FBLN7: variants seen among roughly 807,000 people sequenced by gnomAD.
FBLN7 encodes fibulin 7.
In FBLN7, 31 loss-of-function variants were observed where a neutral mutation model predicts 44.0. The observed-to-expected ratio is 0.70, with a 90% CI of 0.53 to 0.95. The LOEUF is 0.95. Among genes scored for constraint, FBLN7 ranks in the 40% least tolerant of loss-of-function variants. The probability of loss-of-function intolerance (pLI) is 0.00; values close to 1 mark genes in which losing one functional copy is unlikely to be tolerated. For synonymous variants in FBLN7, 262 were observed against 253.4 expected, an observed-to-expected ratio of 1.03 and a Z score of -0.32; for missense variants, 573 against 618.5, an observed-to-expected ratio of 0.93 and a Z score of 0.78.
intron 3 of FBLN7, among the ~76,000 whole-genome samples, chr2:112,172,784 C>T (rs1558888191): frequency 6.6e-6 from 1 of 152,028 alleles, no homozygotes; most frequent in Non-Finnish European, 1.5e-5. Flanking sequence ...AGGTGCCCAC[C>T]ACCATGCCCG....
chr2:112,198,666 A>G, the FBLN7 span, among the ~76,000 whole-genome samples: 1 of 151,922 alleles, frequency 6.6e-6, no homozygotes, highest in Non-Finnish European at 1.5e-5. Flanking sequence ...AAAGAAAGAA[A>G]GAAACCCAGA....
chr2:112,153,722 C>T (rs1681279669), intron 1 of FBLN7, among the ~76,000 whole-genome samples: 1 of 152,180 alleles, frequency 6.6e-6, no homozygotes, highest in African/African-American at 2.4e-5. Flanking sequence ...GAGGTAGGGT[C>T]TGGGGGTACG....
chr2:112,204,843 C>G, the FBLN7 span, among the ~76,000 whole-genome samples: 1 of 152,034 alleles, frequency 6.6e-6, no homozygotes, highest in Non-Finnish European at 1.5e-5. Flanking sequence ...TCGAGAGTAA[C>G]TTGTATTCAC....
intron 1 of FBLN7, among the ~76,000 whole-genome samples, chr2:112,141,475 C>T (rs564239555): frequency 2.0e-5 from 3 of 152,118 alleles, no homozygotes; most frequent in African/African-American, 4.8e-5. Flanking sequence ...TTGGCTCAGA[C>T]GAGACGTGGT....
At chr2:112,172,688 T>C (rs1251320956) in intron 3 of FBLN7, among the ~76,000 whole-genome samples, 1 of 143,028 alleles carries the variant, frequency 7.0e-6, no homozygotes, top group African/African-American at 2.6e-5. Context: ...GACTGGAGAG[T>C]AGTGGCGCGA....
At chr2:112,222,072 T>C in the FBLN7 span, among the ~76,000 whole-genome samples, 2 of 152,168 alleles carry the variant, frequency 1.3e-5, no homozygotes, top group African/African-American at 4.8e-5. Context: ...GGGGGTTTGA[T>C]TACAGTATAA....
the FBLN7 span, among the ~76,000 whole-genome samples, chr2:112,196,068 C>A: frequency 1.8e-4 from 28 of 152,308 alleles, no homozygotes; most frequent in African/African-American, 6.5e-4. Flanking sequence ...GCCAATGGCC[C>A]CACTCAGTGT....
chr2:112,217,174 G>C, the FBLN7 span, among the ~76,000 whole-genome samples: 1 of 152,084 alleles, frequency 6.6e-6, no homozygotes, highest in Non-Finnish European at 1.5e-5. Context: ...TTCGAGACCA[G>C]CCTGGCCAAC....
the FBLN7 span, among the ~76,000 whole-genome samples, chr2:112,217,438 A>C: frequency 6.6e-6 from 1 of 152,232 alleles, no homozygotes; most frequent in Non-Finnish European, 1.5e-5. Flanking sequence ...TTCAAGTTGC[A>C]GTATAAAATG....
rs180701056 is a variant in FBLN7, at chr2:112,148,498, C to G, written c.75+9768C>G. ...GCCCAGGCACTGGGAACAAAACAGA[C>G]AGTGATCTTGCTTTGATTTTAAGAG... On this transcript the variant is annotated intron_variant, in intron 1 of 7. Transcript: ENST00000331203. 2.6e-5 allele frequency among the ~76,000 whole-genome samples: 4 copies of G among 152,344 alleles called. No individual in the cohort carries two copies. The East Asian group carries it at 7.7e-4, about 29-fold the overall frequency.
chr2:112,169,543 G>A (rs908040773), intron 3 of FBLN7, among the ~76,000 whole-genome samples: 4 of 152,196 alleles, frequency 2.6e-5, no homozygotes, highest in Non-Finnish European at 5.9e-5. Context: ...GTCACTTATC[G>A]TCATGCTGGT....
rs1266083875 is a variant in FBLN7, at chr2:112,186,002, C to T, written c.947+663C>T. Among the ~76,000 whole-genome samples the T allele has an allele frequency of 5.9e-5, 9 of 151,852 alleles. No individual in the cohort carries two copies. In the East Asian group the frequency reaches 1.7e-3, roughly 29 times the overall value. On this transcript the variant is annotated intron_variant, in intron 7 of 7. Coordinates refer to ENST00000331203, the MANE Select transcript of FBLN7 (RefSeq NM_153214.3). Reference sequence around the variant, plus strand: ...GTTGTCTTTAAAATGAAGTAACAGCCATGGAGGGTAACTTAATTATTTGAA... The same window carrying T: ...GTTGTCTTTAAAATGAAGTAACAGCTATGGAGGGTAACTTAATTATTTGAA...
At chr2:112,223,468 AATC>A in the FBLN7 span, among the ~76,000 whole-genome samples, 2 of 152,158 alleles carry the variant, frequency 1.3e-5, no homozygotes, top group African/African-American at 2.4e-5. Flanking sequence ...CATCTACAAA[AATC>A]ATCATGATAT....
At position 112,159,741 on chromosome 2, in the gene FBLN7, G is replaced by A. The variant is rs1375232183; in HGVS notation, c.141G>A (p.Gln47=). 5 of 1,602,756 alleles carry A rather than the reference G, an allele frequency of 3.1e-6. No individual in the cohort carries two copies. The Admixed American group carries it at 6.8e-5, about 22-fold the overall frequency. The change falls in exon 2 of 8, where the codon CAG becomes CAA. Residue 47 remains glutamine (Q), a synonymous_variant. Transcript: ENST00000331203. ...IRQLQQLLKG[Q]ETRFAEGIRH... ...AGCTGCAGCAGCTGCTGAAGGGCCAGGAGACACGCTTCGCCGAGGGCATCC... is the reference window on the plus strand; with the variant it reads ...AGCTGCAGCAGCTGCTGAAGGGCCAAGAGACACGCTTCGCCGAGGGCATCC...
At chr2:112,200,112 A>C in the FBLN7 span, among the ~76,000 whole-genome samples, 1 of 152,188 alleles carries the variant, frequency 6.6e-6, no homozygotes, top group Admixed American at 6.5e-5. Flanking sequence ...TTTGTTGACT[A>C]TATGTGGGTT....
At chr2:112,156,172 T>C (rs991289526) in intron 1 of FBLN7, among the ~76,000 whole-genome samples, 1 of 152,208 alleles carries the variant, frequency 6.6e-6, no homozygotes, top group Non-Finnish European at 1.5e-5. Context: ...GTGGGGCATT[T>C]GGGCTCAGTC....
At chr2:112,217,164 T>C in the FBLN7 span, among the ~76,000 whole-genome samples, 8 of 151,912 alleles carry the variant, frequency 5.3e-5, no homozygotes, top group Non-Finnish European at 1.0e-4. Context: ...AGCTCAGGAG[T>C]TCGAGACCAG....
chr2:112,233,746 G>A, the FBLN7 span, among the ~76,000 whole-genome samples: 1 of 152,102 alleles, frequency 6.6e-6, no homozygotes, highest in South Asian at 2.1e-4. Context: ...GCTAGCGTCT[G>A]TAGTCCCAGC....
At chr2:112,230,409 GAGTT>G in the FBLN7 span, among the ~76,000 whole-genome samples, 3 of 152,138 alleles carry the variant, frequency 2.0e-5, no homozygotes, top group East Asian at 5.8e-4. Context: ...ATATTTACAA[GAGTT>G]AGTATTTTTA....
Sources: allele counts gnomAD v4.1 joint callset (sites outside exome capture counted in the v4.1 genomes callset), GRCh38; gene constraint gnomAD v4.1.1; transcripts MANE v1.5; gene names NCBI Gene and HGNC (gene_info 2026-07-23, HGNC 2026-07-21).